Variants in PCCA observed in about 807,000 individuals in gnomAD.
PCCA encodes the protein propionyl-CoA carboxylase subunit alpha, also known as propionyl-CoA carboxylase alpha chain, mitochondrial.
Under a neutral mutation model 101.3 loss-of-function variants are expected in PCCA, and 74 were observed. The ratio of observed to expected loss-of-function variants is 0.73; its 90% CI spans 0.61 to 0.89. The LOEUF (loss-of-function observed/expected upper bound fraction) is 0.89. Ranked by LOEUF, PCCA falls within the 40% of genes least tolerant of loss-of-function variation. PCCA has a pLI of 0.00. For synonymous variants in PCCA, 294 were observed against 313.6 expected (o/e 0.94, Z 0.66); for missense variants, 891 against 907.0 (o/e 0.98, Z 0.23).
intron 1 of PCCA, among the ~76,000 whole-genome samples, chr13:100,094,228 CAAAA>C: frequency 1.9e-5 from 1 of 54,028 alleles, no homozygotes; most frequent in African/African-American, 6.5e-5. Flanking sequence ...AAATCTGTCT[CAAAA>C]AAAAAAAAAA....
chr13:100,320,155 G>C (rs969321311), intron 16 of PCCA, among the ~76,000 whole-genome samples: 5 of 152,192 alleles, frequency 3.3e-5, no homozygotes, highest in Non-Finnish European at 7.3e-5. Context: ...AAGAATGCTT[G>C]TGATTTTTGC....
intron 21 of PCCA, among the ~76,000 whole-genome samples, chr13:100,495,869 G>A (rs369382610): frequency 1.3e-5 from 2 of 152,140 alleles, no homozygotes; most frequent in Non-Finnish European, 2.9e-5. Flanking sequence ...CTTGGGAAAA[G>A]TTGCAAAACA....
intron 21 of PCCA, among the ~76,000 whole-genome samples, chr13:100,462,472 C>A (rs1171965181): frequency 6.6e-6 from 1 of 152,158 alleles, no homozygotes; most frequent in Non-Finnish European, 1.5e-5. Flanking sequence ...TGATACCATG[C>A]AAACATGGTA....
At chr13:100,436,137 C>T (rs778350104) in intron 20 of PCCA, among the ~76,000 whole-genome samples, 5 of 152,092 alleles carry the variant, frequency 3.3e-5, no homozygotes, top group Non-Finnish European at 7.4e-5. Context: ...GCCCGGATAC[C>T]GAATCTTCTT....
chr13:100,513,590 C>T (rs1273412649), intron 21 of PCCA, among the ~76,000 whole-genome samples: 1 of 152,198 alleles, frequency 6.6e-6, no homozygotes, highest in Admixed American at 6.5e-5. Flanking sequence ...CTTAGCGCTT[C>T]GTTCATATGC....
At chr13:100,420,276 A>G (rs2078659491) in intron 19 of PCCA, among the ~76,000 whole-genome samples, 3 of 152,234 alleles carry the variant, frequency 2.0e-5, no homozygotes, top group Admixed American at 1.3e-4. Flanking sequence ...GCCATATTAG[A>G]AATTAAATGT....
chr13:100,366,713 C>G (rs897438158), intron 18 of PCCA, among the ~76,000 whole-genome samples: 2 of 152,120 alleles, frequency 1.3e-5, no homozygotes, highest in African/African-American at 4.8e-5. Context: ...GAGGCTCTAT[C>G]CCCTGAAACA....
intron 18 of PCCA, among the ~76,000 whole-genome samples, chr13:100,351,257 A>G (rs1453647615): frequency 1.3e-5 from 2 of 152,178 alleles, no homozygotes; most frequent in East Asian, 1.9e-4. Flanking sequence ...TCTGTAGGTA[A>G]TGGAGGAATA....
intron 19 of PCCA, among the ~76,000 whole-genome samples, chr13:100,386,414 C>T (rs185841986): frequency 2.4e-4 from 36 of 152,182 alleles, no homozygotes; most frequent in Middle Eastern, 6.8e-3. Flanking sequence ...CGCTCTGTAG[C>T]CCAGGTTGGG....
intron 18 of PCCA, among the ~76,000 whole-genome samples, chr13:100,357,850 T>A (rs1465138979): frequency 6.6e-6 from 1 of 152,168 alleles, no homozygotes; most frequent in African/African-American, 2.4e-5. Flanking sequence ...AGGGATATCA[T>A]GGCAGAAAGG....
At chr13:100,404,325 G>A (rs2077542886) in intron 19 of PCCA, among the ~76,000 whole-genome samples, 2 of 152,160 alleles carry the variant, frequency 1.3e-5, no homozygotes, top group African/African-American at 4.8e-5. Context: ...CCCTTCCCCT[G>A]AGCCCAGTCC....
intron 21 of PCCA, among the ~76,000 whole-genome samples, chr13:100,474,893 A>G (rs2083304505): frequency 6.6e-6 from 1 of 152,188 alleles, no homozygotes; most frequent in African/African-American, 2.4e-5. Context: ...CAATTAACGT[A>G]TAATTCACCC....
chr13:100,418,735 G>A (rs1029268130), intron 19 of PCCA, among the ~76,000 whole-genome samples: 7 of 151,896 alleles, frequency 4.6e-5, no homozygotes, highest in Non-Finnish European at 1.0e-4. Flanking sequence ...TCGGGAGGCT[G>A]AGGTGGGAGA....
At chr13:100,374,540 T>A (rs1595653059) in intron 19 of PCCA, among the ~76,000 whole-genome samples, 1 of 152,248 alleles carries the variant, frequency 6.6e-6, no homozygotes, top group East Asian at 1.9e-4. Context: ...AAGTTTATGA[T>A]GAATTAAAAT....
chr13:100,108,428 T>C (rs11069390), intron 2 of PCCA, among the ~76,000 whole-genome samples: 5,190 of 152,290 alleles, frequency 0.034, 292 homozygotes, highest in African/African-American at 0.12. Context: ...CCCAGTTCCT[T>C]GAATGGCATA....
intron 16 of PCCA, among the ~76,000 whole-genome samples, chr13:100,315,767 C>T (rs961317476): frequency 2.0e-5 from 3 of 152,132 alleles, no homozygotes; most frequent in African/African-American, 7.2e-5. Flanking sequence ...ACAGATGGGA[C>T]CTGGTGAACT....
At chr13:100,096,046 A>G (rs1183779850) in intron 1 of PCCA, among the ~76,000 whole-genome samples, 2 of 152,010 alleles carry the variant, frequency 1.3e-5, no homozygotes, top group Non-Finnish European at 2.9e-5. Context: ...TCAGACTTGG[A>G]ATGTATTTTG....
intron 4 of PCCA, among the ~76,000 whole-genome samples, chr13:100,136,360 A>G (rs2152333971): frequency 6.6e-6 from 1 of 151,632 alleles, no homozygotes; most frequent in South Asian, 2.1e-4. Flanking sequence ...TAATTTTTGT[A>G]TTTTTAGTAG....
intron 8 of PCCA, among the ~76,000 whole-genome samples, chr13:100,237,716 A>C (rs192988719): frequency 6.6e-6 from 1 of 152,272 alleles, no homozygotes; most frequent in East Asian, 1.9e-4. Context: ...CATTGGATAT[A>C]ATAATACTGT....
Sources: allele counts gnomAD v4.1 joint callset (sites outside exome capture counted in the v4.1 genomes callset), GRCh38; gene constraint gnomAD v4.1.1; transcripts MANE v1.5; gene names NCBI Gene and HGNC (gene_info 2026-07-23, HGNC 2026-07-21).